PLD5: variants seen among roughly 807,000 people sequenced by gnomAD.
The protein encoded by PLD5 is phospholipase D family member 5, also known as inactive phospholipase D5.
Under a neutral mutation model 61.1 loss-of-function variants are expected in PLD5, and 36 were observed. The ratio of observed to expected loss-of-function variants is 0.59; its 90% CI spans 0.45 to 0.78. PLD5 has a LOEUF of 0.78. Among genes scored for constraint, PLD5 ranks in the 30% least tolerant of loss-of-function variants. The pLI is 0.00. For synonymous variants in PLD5, 243 were observed against 242.8 expected, an observed-to-expected ratio of 1.00 and a Z score of -0.01; for missense variants, 515 against 644.4, an observed-to-expected ratio of 0.80 and a Z score of 2.17.
intron 1 of PLD5, among the ~76,000 whole-genome samples, chr1:242,461,768 T>C (rs1667125757): frequency 2.0e-5 from 3 of 152,188 alleles, no homozygotes; most frequent in Admixed American, 2.0e-4. Context: ...TTTTGACTTC[T>C]TAGTAATAGT....
chr1:242,512,193 C>T (rs977865654), intron 1 of PLD5, among the ~76,000 whole-genome samples: 49 of 150,760 alleles, frequency 3.3e-4, no homozygotes, highest in East Asian at 7.8e-4. Context: ...GGGCAGATCA[C>T]GAGGTCAGGA....
At chr1:242,401,243 C>T (rs1478021476) in intron 1 of PLD5, among the ~76,000 whole-genome samples, 2 of 152,158 alleles carry the variant, frequency 1.3e-5, no homozygotes, top group African/African-American at 4.8e-5. Flanking sequence ...AAAACGTATT[C>T]CAAAAGTGCT....
At chr1:242,319,647 T>C (rs2149184853) in intron 2 of PLD5, among the ~76,000 whole-genome samples, 1 of 152,330 alleles carries the variant, frequency 6.6e-6, no homozygotes, top group South Asian at 2.1e-4. Context: ...TTCTGGTGAA[T>C]TTTACCCTGA....
At chr1:242,273,501 A>T (rs1422152899) in intron 3 of PLD5, among the ~76,000 whole-genome samples, 1 of 152,220 alleles carries the variant, frequency 6.6e-6, no homozygotes, top group Non-Finnish European at 1.5e-5. Flanking sequence ...TCCAGTCAGA[A>T]TTAGTACACA....
intron 1 of PLD5, among the ~76,000 whole-genome samples, chr1:242,363,454 T>TA (rs201808284): frequency 0.039 from 4,685 of 118,834 alleles, 192 homozygotes; most frequent in African/African-American, 0.1. Flanking sequence ...CCTGTCTCTT[T>TA]AAAAAAAAAA....
At chr1:242,504,857 T>A (rs758711224) in intron 1 of PLD5, among the ~76,000 whole-genome samples, 1 of 152,182 alleles carries the variant, frequency 6.6e-6, no homozygotes, top group African/African-American at 2.4e-5. Flanking sequence ...GAGTAATTTA[T>A]ATGATTTAAA....
chr1:242,447,011 G>A (rs1239943742), intron 1 of PLD5, among the ~76,000 whole-genome samples: 1 of 152,114 alleles, frequency 6.6e-6, no homozygotes, highest in Non-Finnish European at 1.5e-5. Context: ...TGCAACAGGG[G>A]TAGTCATTTT....
chr1:242,168,846 G>GTATTTTTTTTTTTTTTTTTTTT (rs1666518586), intron 5 of PLD5, among the ~76,000 whole-genome samples: 1 of 111,264 alleles, frequency 9.0e-6, no homozygotes, highest in Non-Finnish European at 1.7e-5. Context: ...AATTAATGAA[G>GTATTTTTTTTTTTTTTTTTTTT]TTTTTTTTTT....
intron 1 of PLD5, among the ~76,000 whole-genome samples, chr1:242,452,005 G>T (rs1209604762): frequency 6.6e-6 from 1 of 152,044 alleles, no homozygotes; most frequent in African/African-American, 2.4e-5. Flanking sequence ...TGTCCCCACG[G>T]GGGCTTCGGC....
At chr1:242,163,120 C>CTCAAG (rs1172793697) in intron 5 of PLD5, among the ~76,000 whole-genome samples, 6 of 149,772 alleles carry the variant, frequency 4.0e-5, no homozygotes, top group African/African-American at 1.2e-4. Flanking sequence ...AAATACTTCC[C>CTCAAG]TCAAGTCTTT....
chr1:242,391,119 C>T (rs1043184205), intron 1 of PLD5, among the ~76,000 whole-genome samples: 6 of 152,216 alleles, frequency 3.9e-5, no homozygotes, highest in East Asian at 3.9e-4. Flanking sequence ...GGCGTGAACC[C>T]GGGAGGCGGA....
chr1:242,383,365 A>T (rs1662412470), intron 1 of PLD5, among the ~76,000 whole-genome samples: 1 of 152,120 alleles, frequency 6.6e-6, no homozygotes, highest in Non-Finnish European at 1.5e-5. Context: ...ACTTTAGTAT[A>T]TTTAAGAAGT....
intron 1 of PLD5, among the ~76,000 whole-genome samples, chr1:242,399,667 T>A (rs1204479541): frequency 6.6e-6 from 1 of 151,860 alleles, no homozygotes; most frequent in Non-Finnish European, 1.5e-5. Context: ...ATTGATTATA[T>A]CGGGGGTCCC....
At chr1:242,282,060 TAACAG>T (rs1674746860) in intron 3 of PLD5, among the ~76,000 whole-genome samples, 4 of 152,150 alleles carry the variant, frequency 2.6e-5, no homozygotes. Flanking sequence ...AAGAACTTGC[TAACAG>T]AATAAACTTG....
chr1:242,275,014 G>A (rs1316943541), intron 3 of PLD5, among the ~76,000 whole-genome samples: 1 of 152,076 alleles, frequency 6.6e-6, no homozygotes, highest in East Asian at 1.9e-4. Context: ...CCCAATTGCA[G>A]AAGAGTTTAT....
At chr1:242,288,575 T>G (rs546693192) in intron 2 of PLD5, 45 bp from the exon 3 acceptor site, 1 of 1,573,982 alleles carries the variant, frequency 6.4e-7, no homozygotes, top group African/African-American at 1.4e-5. Context: ...TCTAGTCAAA[T>G]TTGAAGCCAC....
chr1:242,358,285 A>C (rs968196142), intron 1 of PLD5, among the ~76,000 whole-genome samples: 6 of 151,846 alleles, frequency 4.0e-5, no homozygotes, highest in African/African-American at 1.5e-4. Flanking sequence ...TTTCTTTTGG[A>C]GGTGTCATGA....
intron 2 of PLD5, among the ~76,000 whole-genome samples, chr1:242,301,929 C>T (rs1676073883): frequency 6.6e-6 from 1 of 152,054 alleles, no homozygotes; most frequent in Admixed American, 6.5e-5. Flanking sequence ...TAGGGCCTGC[C>T]ACCACACCCG....
chr1:242,100,719 G>C lies in PLD5; in HGVS notation c.1303C>G (p.Pro435Ala), dbSNP rs754092038. The change falls in exon 9 of 10, where the codon CCT becomes GCT. Residue 435 changes from proline to alanine, a missense_variant. Transcript: ENST00000536534. ...ATKEQKNHTF[P>A]RLNRNKYMVT... ...ATGTACTTGTTGCGATTTAACCTAG[G>C]AAAGGTGTGATTCTTTTGTTCTTTT... 20 of 1,613,850 alleles carry C rather than the reference G, an allele frequency of 1.2e-5. No homozygotes were observed. Among genetic ancestry groups the C allele is most frequent in the Admixed American group, 1.7e-5 (1 of 59,984 alleles).
Sources: allele counts gnomAD v4.1 joint callset (sites outside exome capture counted in the v4.1 genomes callset), GRCh38; gene constraint gnomAD v4.1.1; transcripts MANE v1.5; gene names NCBI Gene and HGNC (gene_info 2026-07-23, HGNC 2026-07-21).